The following FARS2 variants were observed in gnomAD, a reference collection of about 807,000 sequenced individuals.
The protein encoded by FARS2 is phenylalanine--tRNA ligase, mitochondrial.
FARS2 carries 40 observed loss-of-function variants against 46.4 expected under a neutral mutation model. The observed-to-expected ratio is 0.86, with a 90% confidence interval of 0.67 to 1.12. FARS2 has a LOEUF of 1.12. Among genes scored for constraint, FARS2 ranks in the 50% most tolerant of loss-of-function variants. The pLI is 0.00. For missense variants in FARS2, 513 were observed against 567.9 expected (o/e 0.90, Z 0.98); for synonymous variants, 234 against 214.9 (o/e 1.09, Z -0.78).
rs555014891 is a variant in FARS2 at position 5,561,634 on chromosome 6, G to T, written c.1065+16294G>T. On this transcript the variant is annotated intron_variant, in intron 5 of 6. Transcript: ENST00000274680. ...ATTTTAATATGATGCATTTTGGTTT[G>T]GATTTGTTTTGGTTTATCCTGCTTA... Among the ~76,000 whole-genome samples the T allele has an allele frequency of 2.0e-5, 3 of 152,066 alleles. No individual in the cohort carries two copies. In the East Asian group the frequency reaches 5.8e-4, roughly 29 times the overall value.
chr6:5,372,899 A>G (rs1168871994), intron 2 of FARS2, among the ~76,000 whole-genome samples: 1 of 152,176 alleles, frequency 6.6e-6, no homozygotes, highest in Admixed American at 6.5e-5. Flanking sequence ...TCAATTTATG[A>G]TGCTAAAAAT....
At chr6:5,262,668 G>C (rs961039340) in intron 1 of FARS2, among the ~76,000 whole-genome samples, 8 of 152,190 alleles carry the variant, frequency 5.3e-5, no homozygotes, top group African/African-American at 1.7e-4. Flanking sequence ...CTTGCATCCA[G>C]ATATTCTTAC....
At chr6:5,548,053 T>TA (rs1771144978) in intron 5 of FARS2, among the ~76,000 whole-genome samples, 1 of 152,142 alleles carries the variant, frequency 6.6e-6, no homozygotes, top group Non-Finnish European at 1.5e-5. Context: ...AGGCACTTCT[T>TA]ACATGGCAGC....
intron 1 of FARS2, among the ~76,000 whole-genome samples, chr6:5,338,200 T>C (rs1225034044): frequency 1.3e-5 from 2 of 152,196 alleles, no homozygotes; most frequent in African/African-American, 4.8e-5. Flanking sequence ...TAAAATAGTT[T>C]GGATTTTTTC....
intron 5 of FARS2, among the ~76,000 whole-genome samples, chr6:5,556,604 G>A (rs914383560): frequency 6.6e-6 from 1 of 151,782 alleles, no homozygotes; most frequent in Non-Finnish European, 1.5e-5. Context: ...TTGTGAAAAA[G>A]GAGATCTTTT....
chr6:5,695,231 T>C (rs555272866), intron 6 of FARS2: 1 of 152,360 alleles, frequency 6.6e-6, no homozygotes, highest in African/African-American at 2.4e-5. Flanking sequence ...TCGAAACATC[T>C]CTTAGATCCC....
chr6:5,321,064 G>A (rs796963238), intron 1 of FARS2, among the ~76,000 whole-genome samples: 35 of 152,266 alleles, frequency 2.3e-4, no homozygotes, highest in African/African-American at 7.0e-4. Flanking sequence ...ACCAATGAGG[G>A]CAGGTCATTT....
intron 6 of FARS2, among the ~76,000 whole-genome samples, chr6:5,616,673 T>C (rs1228774412): frequency 6.6e-6 from 1 of 152,236 alleles, no homozygotes. Flanking sequence ...TATTGAATAA[T>C]CAGAAAGCTT....
chr6:5,421,473 T>C (rs1762545771), intron 3 of FARS2, among the ~76,000 whole-genome samples: 3 of 152,182 alleles, frequency 2.0e-5, no homozygotes, highest in Non-Finnish European at 4.4e-5. Flanking sequence ...CTGCAGCCAG[T>C]TTGAATTTCT....
intron 4 of FARS2, among the ~76,000 whole-genome samples, chr6:5,489,010 AG>A (rs1462888333): frequency 6.6e-6 from 1 of 152,200 alleles, no homozygotes; most frequent in Non-Finnish European, 1.5e-5. Context: ...TGGAGCTTAC[AG>A]TATGGTGGGG....
intron 4 of FARS2, chr6:5,451,714 A>T (rs1764501876): frequency 6.6e-6 from 1 of 152,216 alleles, no homozygotes; most frequent in South Asian, 2.1e-4. Context: ...ATGCATATGT[A>T]TGGTTTATTC....
At chr6:5,309,589 A>G (rs982812414) in intron 1 of FARS2, among the ~76,000 whole-genome samples, 2 of 152,188 alleles carry the variant, frequency 1.3e-5, no homozygotes, top group Non-Finnish European at 2.9e-5. Flanking sequence ...TGTGTTTTGA[A>G]ATAGGATCTT....
intron 3 of FARS2, among the ~76,000 whole-genome samples, chr6:5,412,791 T>C (rs1482279567): frequency 6.6e-6 from 1 of 152,206 alleles, no homozygotes; most frequent in African/African-American, 2.4e-5. Flanking sequence ...GTTGCCTGGC[T>C]TGGGGAGTGT....
intron 6 of FARS2, among the ~76,000 whole-genome samples, chr6:5,753,090 A>G (rs1173096850): frequency 1.3e-5 from 2 of 152,192 alleles, no homozygotes; most frequent in African/African-American, 4.8e-5. Flanking sequence ...AAACAAGTAG[A>G]AACTCTTGTT....
At chr6:5,431,244 A>G in intron 4 of FARS2, 72 bp downstream of exon 4, 2 of 1,476,016 alleles carry the variant, frequency 1.4e-6, no homozygotes, top group African/African-American at 1.4e-5. Context: ...GCCCCGTTGC[A>G]CACTTGTAGA....
At chr6:5,403,495 T>C (rs568072669) in intron 2 of FARS2, among the ~76,000 whole-genome samples, 1 of 152,332 alleles carries the variant, frequency 6.6e-6, no homozygotes, top group South Asian at 2.1e-4. Context: ...TCTCTGGCTT[T>C]GTGCTTACTT....
intron 6 of FARS2, among the ~76,000 whole-genome samples, chr6:5,635,608 G>GGT (rs1407142623): frequency 6.6e-6 from 1 of 152,146 alleles, no homozygotes; most frequent in African/African-American, 2.4e-5. Context: ...GGGGAAGTGA[G>GGT]GTAGAGGAAA....
At chr6:5,631,160 C>T (rs1003536604) in intron 6 of FARS2, among the ~76,000 whole-genome samples, 2 of 152,172 alleles carry the variant, frequency 1.3e-5, no homozygotes, top group Admixed American at 6.5e-5. Context: ...GTGTGAGGAA[C>T]ATATTGCTGG....
intron 6 of FARS2, among the ~76,000 whole-genome samples, chr6:5,614,411 C>CTTTTTTTTTTTTTTT (rs199992978): frequency 4.3e-5 from 6 of 139,482 alleles, no homozygotes; most frequent in African/African-American, 1.6e-4. Context: ...CCTTCTTTGT[C>CTTTTTTTTTTTTTTT]TTTTTTTTTT....
Sources: gnomAD v4.1 joint callset for allele counts (sites outside exome capture counted in the v4.1 genomes callset) on GRCh38, gnomAD v4.1.1 for gene constraint, MANE v1.5 for transcripts, NCBI Gene and HGNC (gene_info 2026-07-23, HGNC 2026-07-21) for gene names.